SNTB1: variants seen among roughly 807,000 people sequenced by gnomAD.
SNTB1 encodes syntrophin beta 1, also known as beta-1-syntrophin.
Under a neutral mutation model 48.9 loss-of-function variants are expected in SNTB1, and 36 were observed. The ratio of observed to expected loss-of-function variants is 0.74; its 90% confidence interval spans 0.56 to 0.97. SNTB1 has a LOEUF of 0.97. Among genes scored for constraint, SNTB1 ranks in the 50% least tolerant of loss-of-function variants. The probability of loss-of-function intolerance (pLI) is 0.00; values close to 1 mark genes in which losing one functional copy is unlikely to be tolerated. For missense variants in SNTB1, 786 were observed against 703.4 expected, an observed-to-expected ratio of 1.12 and a Z score of -1.33; for synonymous variants, 299 against 294.6, an observed-to-expected ratio of 1.01 and a Z score of -0.15.
At chr8:120,636,011 C>CT in intron 2 of SNTB1, 1 of 981,508 alleles carries the variant, frequency 1.0e-6, no homozygotes, top group Non-Finnish European at 1.4e-6. Flanking sequence ...ACCAGAAGAT[C>CT]TTTTGCAAGA....
chr8:120,545,226 C>T (rs553872768), intron 5 of SNTB1, among the ~76,000 whole-genome samples: 1 of 152,288 alleles, frequency 6.6e-6, no homozygotes, highest in East Asian at 1.9e-4. Context: ...CATCTGTAAT[C>T]CCAGCAACTC....
chr8:120,539,762 C>T (rs1815255481), intron 6 of SNTB1, among the ~76,000 whole-genome samples: 1 of 152,128 alleles, frequency 6.6e-6, no homozygotes, highest in South Asian at 2.1e-4. Context: ...TCAGAACAAC[C>T]CGAGCATATT....
chr8:120,575,275 A>T, intron 3 of SNTB1, 50 bp from the exon 4 acceptor site: 1 of 1,611,154 alleles, frequency 6.2e-7, no homozygotes, highest in South Asian at 1.1e-5. Context: ...GGAAAGGATG[A>T]TTATGAGAAG....
Position 120,618,534 on chromosome 8 carries a change from A to G in SNTB1, c.996+13910T>C, listed in dbSNP as rs117878745. Among the ~76,000 whole-genome samples the G allele has an allele frequency of 9.7e-3, 1,470 of 152,318 alleles. 10 individuals carry two copies. The highest frequency in any genetic ancestry group is 0.016 in the Non-Finnish European group (1,098 of 68,026). ...CTTGCTTGGCATATTGTATGTGCTC[A>G]ATAGTTACTTACAGAATGAATGAAT... On this transcript the variant is annotated intron_variant, in intron 3 of 6. Transcript: ENST00000517992.
chr8:120,573,463 G>C (rs1406275508), intron 4 of SNTB1, among the ~76,000 whole-genome samples: 1 of 151,884 alleles, frequency 6.6e-6, no homozygotes, highest in African/African-American at 2.4e-5. Flanking sequence ...TTAGATATGA[G>C]GTCTCCCATT....
chr8:120,690,153 G>A (rs938140830), intron 2 of SNTB1, among the ~76,000 whole-genome samples: 4 of 151,788 alleles, frequency 2.6e-5, no homozygotes, highest in Non-Finnish European at 5.9e-5. Context: ...TGTTATAATT[G>A]TTCCATTTTA....
rs180798531 is a variant in SNTB1 at position 120,805,491 on chromosome 8, T to G, written c.571+5782A>C. 3.3e-5 allele frequency among the ~76,000 whole-genome samples: 5 copies of G among 152,028 alleles called. No homozygotes were observed. The South Asian group carries it at 8.3e-4, about 25-fold the overall frequency. On this transcript the variant is annotated intron_variant, in intron 1 of 6. Coordinates refer to ENST00000517992, the MANE Select transcript of SNTB1 (RefSeq NM_021021.4). ...GCCATTGCAGGCTTTCAAAATGGAA[T>G]GGGACCAAAAGCCAAGGCATGTGGG...
chr8:120,811,152 A>ACC, intron 1 of SNTB1, 121 bp downstream of exon 1: 1 of 1,260,864 alleles, frequency 7.9e-7, no homozygotes, highest in African/African-American at 1.5e-5. Flanking sequence ...CAACACACAC[A>ACC]CACCCGGCCC....
rs531778551 is a variant in SNTB1, at chr8:120,692,390, C to T, written c.788+1302G>A. On this transcript the variant is annotated intron_variant, in intron 2 of 6. Transcript: ENST00000517992. Reference sequence around the variant, plus strand: ...ACACACATTCTAAATAAGGGCCAGTCGAGCGGTTCCTATTTTTAGCACTTT... The same window carrying T: ...ACACACATTCTAAATAAGGGCCAGTTGAGCGGTTCCTATTTTTAGCACTTT... Among the ~76,000 whole-genome samples, 7 of 152,192 alleles carry T rather than the reference C, an allele frequency of 4.6e-5. No homozygotes were observed. In the East Asian group the frequency reaches 5.8e-4, roughly 13 times the overall value.
intron 1 of SNTB1, among the ~76,000 whole-genome samples, chr8:120,772,294 G>A (rs967694105): frequency 1.3e-5 from 2 of 150,864 alleles, no homozygotes; most frequent in Non-Finnish European, 2.9e-5. Flanking sequence ...CGCCTAGGCT[G>A]GAGTGCAGTG....
chr8:120,737,581 A>C (rs1296367543), intron 1 of SNTB1, among the ~76,000 whole-genome samples: 1 of 152,216 alleles, frequency 6.6e-6, no homozygotes, highest in Non-Finnish European at 1.5e-5. Context: ...ATCACAAGCA[A>C]TATGCAGAGA....
chr8:120,636,249 T>G (rs1817074815), intron 2 of SNTB1, among the ~76,000 whole-genome samples: 1 of 151,800 alleles, frequency 6.6e-6, no homozygotes, highest in Admixed American at 6.6e-5. Context: ...TTTTTATTTT[T>G]TTATTATTAT....
Position 120,693,775 on chromosome 8 carries a change from G to A in SNTB1, c.705C>T (p.Phe235=). 1 of 1,614,062 alleles carries A rather than the reference G, an allele frequency of 6.2e-7. No individual in the cohort carries two copies. The highest frequency in any genetic ancestry group is 8.5e-7 in the Non-Finnish European group (1 of 1,179,992). ...STSDPPSSQS[F]SFHRDRKSIP... is the part of the protein sequence containing the mutation. ...TGCTTTTCCGGTCTCTGTGGAAGGA[G>A]AAGGACTGCGATGACGGGGGGTCTG... Residue 235 remains phenylalanine (F), a synonymous_variant, in exon 2 of 7, where the codon TTC becomes TTT. Coordinates refer to ENST00000517992, the MANE Select transcript of SNTB1 (RefSeq NM_021021.4).
intron 1 of SNTB1, among the ~76,000 whole-genome samples, chr8:120,705,533 G>A (rs956979624): frequency 1.3e-5 from 2 of 152,180 alleles, no homozygotes; most frequent in African/African-American, 4.8e-5. Flanking sequence ...AAGACTGGGA[G>A]GTGGTGACTT....
intron 3 of SNTB1, among the ~76,000 whole-genome samples, chr8:120,618,452 C>T (rs979538637): frequency 2.6e-5 from 4 of 152,222 alleles, no homozygotes; most frequent in Admixed American, 2.6e-4. Context: ...TGAAAGTAAG[C>T]TCCAGTGCAG....
intron 2 of SNTB1, among the ~76,000 whole-genome samples, chr8:120,649,923 C>A (rs548278092): frequency 6.6e-6 from 1 of 152,148 alleles, no homozygotes. Context: ...GGGAGTGACC[C>A]GATTTTCCAG....
intron 3 of SNTB1, among the ~76,000 whole-genome samples, chr8:120,576,136 A>T (rs910040682): frequency 3.3e-5 from 5 of 152,314 alleles, no homozygotes; most frequent in Admixed American, 1.3e-4. Context: ...CTAGAGTCTC[A>T]GGCCCATCCA....
intron 1 of SNTB1, among the ~76,000 whole-genome samples, chr8:120,785,121 T>C (rs1254769091): frequency 6.6e-6 from 1 of 152,240 alleles, no homozygotes; most frequent in Non-Finnish European, 1.5e-5. Flanking sequence ...TGTCAGCTAA[T>C]TCAGGCAGTG....
At chr8:120,589,381 G>A (rs536091359) in intron 3 of SNTB1, among the ~76,000 whole-genome samples, 1 of 152,260 alleles carries the variant, frequency 6.6e-6, no homozygotes, top group South Asian at 2.1e-4. Context: ...ATGAACATTT[G>A]ATTTCACTCA....
Sources: gnomAD v4.1 joint callset for allele counts (sites outside exome capture counted in the v4.1 genomes callset) on GRCh38, gnomAD v4.1.1 for gene constraint, MANE v1.5 for transcripts, NCBI Gene and HGNC (gene_info 2026-07-23, HGNC 2026-07-21) for gene names.